Variants in SORCS2 observed in about 807,000 individuals in gnomAD.
SORCS2 encodes the protein VPS10 domain-containing receptor SorCS2.
In SORCS2, 100 loss-of-function variants were observed where a neutral mutation model predicts 141.6. The ratio of observed to expected loss-of-function variants is 0.71; its 90% CI spans 0.60 to 0.83. The LOEUF (loss-of-function observed/expected upper bound fraction) is 0.83. Ranked by LOEUF, SORCS2 falls within the 40% of genes least tolerant of loss-of-function variation. SORCS2 has a pLI of 0.00. For synonymous variants in SORCS2, 789 were observed against 676.9 expected (o/e 1.17, Z -2.57); for missense variants, 1,646 against 1,560.2 (o/e 1.05, Z -0.93).
intron 1 of SORCS2, among the ~76,000 whole-genome samples, chr4:7,349,849 C>G (rs887810276): frequency 2.0e-5 from 3 of 152,162 alleles, no homozygotes; most frequent in African/African-American, 7.2e-5. Context: ...GGACATAACG[C>G]CCCTAGAGCT....
chr4:7,691,921 C>T (rs568816594), intron 11 of SORCS2, among the ~76,000 whole-genome samples: 2 of 152,156 alleles, frequency 1.3e-5, no homozygotes, highest in South Asian at 2.1e-4. Flanking sequence ...GTGCAGGAGT[C>T]ATGCAAAGCA....
intron 1 of SORCS2, among the ~76,000 whole-genome samples, chr4:7,208,252 C>T (rs1461722739): frequency 2.0e-5 from 3 of 152,138 alleles, no homozygotes; most frequent in African/African-American, 7.2e-5. Flanking sequence ...GGGTTAGAGA[C>T]CGTCCACGGG....
At chr4:7,227,267 A>C (rs1209535675) in intron 1 of SORCS2, among the ~76,000 whole-genome samples, 1 of 152,190 alleles carries the variant, frequency 6.6e-6, no homozygotes, top group Non-Finnish European at 1.5e-5. Context: ...CCCCACTTGC[A>C]GCCTGAGGCC....
intron 1 of SORCS2, among the ~76,000 whole-genome samples, chr4:7,249,532 G>T (rs958366276): frequency 6.6e-6 from 1 of 152,186 alleles, no homozygotes; most frequent in Non-Finnish European, 1.5e-5. Context: ...GAGAATTTGT[G>T]GCCATCCTTA....
chr4:7,230,712 A>G (rs1711805424), intron 1 of SORCS2, among the ~76,000 whole-genome samples: 1 of 150,404 alleles, frequency 6.6e-6, no homozygotes, highest in African/African-American at 2.5e-5. Context: ...GTGCTCATGT[A>G]TGAAGGAGAT....
At chr4:7,376,810 G>A (rs1722686234) in intron 1 of SORCS2, among the ~76,000 whole-genome samples, 1 of 152,044 alleles carries the variant, frequency 6.6e-6, no homozygotes, top group Non-Finnish European at 1.5e-5. Flanking sequence ...TGCTCATATA[G>A]TGTCTAGAAT....
intron 2 of SORCS2, among the ~76,000 whole-genome samples, chr4:7,462,810 A>C (rs1729391412): frequency 6.7e-6 from 1 of 150,136 alleles, no homozygotes; most frequent in African/African-American, 2.4e-5. Flanking sequence ...TGTTGTGAGC[A>C]CTCACTATCT....
chr4:7,461,159 C>G (rs1413217650), intron 2 of SORCS2, among the ~76,000 whole-genome samples: 1 of 133,108 alleles, frequency 7.5e-6, no homozygotes, highest in Non-Finnish European at 1.6e-5. Flanking sequence ...GATGAGCTCT[C>G]TCCCCAAATT....
chr4:7,593,244 C>G (rs2108778157), intron 3 of SORCS2, among the ~76,000 whole-genome samples: 1 of 152,268 alleles, frequency 6.6e-6, no homozygotes, highest in Admixed American at 6.5e-5. Context: ...TCGGGAGTCC[C>G]AGGGCATCAC....
intron 1 of SORCS2, among the ~76,000 whole-genome samples, chr4:7,343,905 G>T (rs1252346598): frequency 6.6e-6 from 1 of 152,216 alleles, no homozygotes; most frequent in East Asian, 1.9e-4. Flanking sequence ...AGTGGCCCGA[G>T]GCCCTGCAGC....
At chr4:7,469,407 G>A (rs552323622) in intron 2 of SORCS2, among the ~76,000 whole-genome samples, 3 of 152,320 alleles carry the variant, frequency 2.0e-5, no homozygotes, top group African/African-American at 7.2e-5. Context: ...GGTTGCTTCT[G>A]TGCAAACCCT....
chr4:7,362,538 C>T (rs1347433147), intron 1 of SORCS2, among the ~76,000 whole-genome samples: 2 of 152,142 alleles, frequency 1.3e-5, no homozygotes, highest in Non-Finnish European at 2.9e-5. Flanking sequence ...GACCAGTGCC[C>T]AGGCTACTGG....
At chr4:7,379,783 T>C (rs1438513775) in intron 1 of SORCS2, among the ~76,000 whole-genome samples, 1 of 152,258 alleles carries the variant, frequency 6.6e-6, no homozygotes, top group African/African-American at 2.4e-5. Context: ...AAGACCTCTA[T>C]GAAGGGCCTG....
At chr4:7,548,982 G>C (rs973833537) in intron 3 of SORCS2, among the ~76,000 whole-genome samples, 25 of 152,242 alleles carry the variant, frequency 1.6e-4, no homozygotes, top group African/African-American at 5.5e-4. Flanking sequence ...GCTCTCATTG[G>C]CTGGGCTTGG....
intron 3 of SORCS2, among the ~76,000 whole-genome samples, chr4:7,546,907 G>T (rs950074341): frequency 6.6e-6 from 1 of 152,194 alleles, no homozygotes; most frequent in African/African-American, 2.4e-5. Flanking sequence ...TAGAAAGCCC[G>T]AAAGATCATT....
At chr4:7,308,471 G>C (rs1717975384) in intron 1 of SORCS2, among the ~76,000 whole-genome samples, 1 of 152,190 alleles carries the variant, frequency 6.6e-6, no homozygotes, top group Non-Finnish European at 1.5e-5. Flanking sequence ...TCCGATGCCA[G>C]GTTGACCCTT....
chr4:7,723,607 A>G (rs1577119296), intron 18 of SORCS2, 90 bp from the exon 19 acceptor site: 8 of 1,402,906 alleles, frequency 5.7e-6, no homozygotes, highest in South Asian at 2.3e-5. Flanking sequence ...CAATGAATGA[A>G]TGAGTGAGTG....
chr4:7,696,576 C>G (rs1200991526), intron 11 of SORCS2, among the ~76,000 whole-genome samples: 1 of 152,156 alleles, frequency 6.6e-6, no homozygotes, highest in African/African-American at 2.4e-5. Flanking sequence ...TAAGTCTGAG[C>G]CCCTCCGAGT....
intron 3 of SORCS2, among the ~76,000 whole-genome samples, chr4:7,607,790 T>C (rs865814360): frequency 1.3e-5 from 2 of 152,190 alleles, no homozygotes; most frequent in South Asian, 4.2e-4. Context: ...GAAAGTCACA[T>C]TCCCAGGATC....
Sources: allele counts gnomAD v4.1 joint callset (sites outside exome capture counted in the v4.1 genomes callset), GRCh38; gene constraint gnomAD v4.1.1; transcripts MANE v1.5; gene names NCBI Gene and HGNC (gene_info 2026-07-23, HGNC 2026-07-21).